Variants in EPHA5 observed in about 807,000 individuals in gnomAD.
The protein encoded by EPHA5 is ephrin type-A receptor 5.
In EPHA5, 60 loss-of-function variants were observed where a neutral mutation model predicts 105.0. The ratio of observed to expected loss-of-function variants is 0.57; its 90% CI spans 0.46 to 0.71. EPHA5 has a LOEUF of 0.71. Ranked by LOEUF, EPHA5 falls within the 30% of genes least tolerant of loss-of-function variation. The pLI is 0.00. For missense variants in EPHA5, 1,218 were observed against 1,274.7 expected (o/e 0.96, Z 0.68); for synonymous variants, 513 against 449.1 (o/e 1.14, Z -1.80).
chr4:65,670,264 C>A lies in EPHA5; in HGVS notation c.-522G>T, dbSNP rs1210018708. 8.6e-6 allele frequency: 2 copies of A among 233,810 alleles called. No homozygotes were observed. The allele number at this position is 233,810 out of a possible 1,614,324, so 14.5% of individuals were successfully genotyped here. A position where few individuals can be genotyped will look rare whatever the true frequency, so the allele number is the denominator to read the frequency against. On this transcript the variant is annotated 5_prime_UTR_variant, in exon 1 of 17. Coordinates refer to ENST00000613740, the MANE Select transcript of EPHA5 (RefSeq NM_001281766.3). ...TGGAGAATGAAAAACAGGAGAGCAGCGAGCAAAAGCAAAGATCCAGAGTTC... is the reference window on the plus strand; with the variant it reads ...TGGAGAATGAAAAACAGGAGAGCAGAGAGCAAAAGCAAAGATCCAGAGTTC...
At chr4:65,359,484 T>C (rs1048333989) in intron 11 of EPHA5, among the ~76,000 whole-genome samples, 22 of 151,634 alleles carry the variant, frequency 1.5e-4, no homozygotes, top group African/African-American at 5.1e-4. Context: ...ATTTAACATG[T>C]CCACAACTGA....
At chr4:65,589,245 CG>C (rs1196594175) in intron 3 of EPHA5, among the ~76,000 whole-genome samples, 2 of 126,000 alleles carry the variant, frequency 1.6e-5, no homozygotes, top group African/African-American at 3.4e-5. Flanking sequence ...TGCTAACAGA[CG>C]TTTTTTTTTA....
At chr4:65,591,253 T>G (rs2149415903) in intron 3 of EPHA5, among the ~76,000 whole-genome samples, 1 of 152,258 alleles carries the variant, frequency 6.6e-6, no homozygotes, top group Non-Finnish European at 1.5e-5. Flanking sequence ...TTTACATCTG[T>G]ATTATATCTT....
chr4:65,528,277 T>A (rs996471574), intron 3 of EPHA5, among the ~76,000 whole-genome samples: 2 of 152,090 alleles, frequency 1.3e-5, no homozygotes, highest in African/African-American at 4.8e-5. Flanking sequence ...ATGAGCACCT[T>A]CTAAATGTAG....
intron 8 of EPHA5, among the ~76,000 whole-genome samples, chr4:65,372,405 T>C (rs1718565604): frequency 6.6e-6 from 1 of 151,866 alleles, no homozygotes; most frequent in South Asian, 2.1e-4. Flanking sequence ...AGAATGCACA[T>C]GAATAGTACT....
At chr4:65,543,959 C>T (rs980987656) in intron 3 of EPHA5, among the ~76,000 whole-genome samples, 1 of 151,764 alleles carries the variant, frequency 6.6e-6, no homozygotes, top group African/African-American at 2.4e-5. Context: ...ACCTGACAAA[C>T]ACAAGCAATG....
At chr4:65,345,387 T>C (rs1388045400) in intron 14 of EPHA5, among the ~76,000 whole-genome samples, 1 of 152,214 alleles carries the variant, frequency 6.6e-6, no homozygotes, top group Non-Finnish European at 1.5e-5. Context: ...TATGAAATCA[T>C]TCGTGGGAAA....
At chr4:65,512,813 C>A (rs760382648) in intron 3 of EPHA5, among the ~76,000 whole-genome samples, 1 of 151,934 alleles carries the variant, frequency 6.6e-6, no homozygotes, top group Middle Eastern at 3.2e-3. Flanking sequence ...GATCTCATGG[C>A]GAACCATTAA....
At chr4:65,410,811 C>T (rs2349725) in intron 7 of EPHA5, among the ~76,000 whole-genome samples, 121,713 of 152,120 alleles carry the variant, frequency 0.8, 49,110 homozygotes, top group South Asian at 0.92. Flanking sequence ...ATTCAGACTA[C>T]ACAGATTTGA....
chr4:65,589,246 G>T (rs906427769), intron 3 of EPHA5, among the ~76,000 whole-genome samples: 3 of 151,160 alleles, frequency 2.0e-5, no homozygotes, highest in South Asian at 2.1e-4. Flanking sequence ...GCTAACAGAC[G>T]TTTTTTTTTA....
intron 8 of EPHA5, among the ~76,000 whole-genome samples, chr4:65,374,906 C>T (rs1718840615): frequency 6.6e-6 from 1 of 151,732 alleles, no homozygotes; most frequent in Non-Finnish European, 1.5e-5. Context: ...TTTCAGATTT[C>T]TTAGTATTTT....
intron 8 of EPHA5, among the ~76,000 whole-genome samples, chr4:65,380,784 T>G (rs903085345): frequency 2.6e-5 from 4 of 151,840 alleles, no homozygotes. Flanking sequence ...GCTAGTGTTC[T>G]TATGTGTGGC....
intron 5 of EPHA5, among the ~76,000 whole-genome samples, chr4:65,466,791 G>GT (rs1396651393): frequency 4.0e-4 from 61 of 152,212 alleles, no homozygotes; most frequent in Non-Finnish European, 4.4e-5. Flanking sequence ...ATATCTGATT[G>GT]TAAGCATAGA....
chr4:65,593,179 A>C (rs1742842377), intron 3 of EPHA5, among the ~76,000 whole-genome samples: 1 of 152,202 alleles, frequency 6.6e-6, no homozygotes, highest in Admixed American at 6.5e-5. Context: ...AATTATCAGA[A>C]AGAAGTATTA....
intron 13 of EPHA5, among the ~76,000 whole-genome samples, chr4:65,351,052 C>A (rs554745638): frequency 6.6e-6 from 1 of 150,768 alleles, no homozygotes; most frequent in Non-Finnish European, 1.5e-5. Flanking sequence ...TATATATAAC[C>A]TTTAATGTAG....
chr4:65,407,953 A>C lies in EPHA5; in HGVS notation c.1688-3474T>G, dbSNP rs568280694. On this transcript the variant is annotated intron_variant, in intron 7 of 16. Coordinates refer to ENST00000613740, the MANE Select transcript of EPHA5 (RefSeq NM_001281766.3). ...GCATTTTTTTTTGTTTTTATTGTGA[A>C]GGGGTTTCACCATTTAGCCCAGGCT... is the stretch of plus-strand genomic sequence containing the variant. Among the ~76,000 whole-genome samples, 412 of 151,928 alleles carry C rather than the reference A, an allele frequency of 2.7e-3. 1 individual carries two copies. Among genetic ancestry groups the C allele is most frequent in the Non-Finnish European group, 2.7e-3 (183 of 67,960 alleles).
At position 65,602,278 on chromosome 4, in the gene EPHA5, T is replaced by C; in HGVS notation, c.273A>G (p.Glu91=). The C allele has an allele frequency of 6.2e-7, 1 of 1,601,994 alleles. No individual in the cohort carries two copies. The highest frequency in any genetic ancestry group is 1.1e-5 in the South Asian group (1 of 90,888). The change falls in exon 3 of 17, where the codon GAA becomes GAG. Residue 91 remains glutamate, a synonymous_variant. Transcript: ENST00000613740. ...NGWEEIGEVD[E]NYAPIHTYQV... ...GGTATGTGTGGATAGGGGCATAATTTTCATCCACTTCACCAATCTCTTCCC... is the reference window on the plus strand; with the variant it reads ...GGTATGTGTGGATAGGGGCATAATTCTCATCCACTTCACCAATCTCTTCCC...
chr4:65,595,623 C>T (rs1743097325), intron 3 of EPHA5, among the ~76,000 whole-genome samples: 1 of 150,636 alleles, frequency 6.6e-6, no homozygotes, highest in Admixed American at 6.6e-5. Context: ...CTCTGTCACC[C>T]AGGCTGGAGT....
At chr4:65,663,111 A>C (rs1749685312) in intron 1 of EPHA5, among the ~76,000 whole-genome samples, 1 of 152,174 alleles carries the variant, frequency 6.6e-6, no homozygotes, top group East Asian at 1.9e-4. Context: ...CCTACAGGAA[A>C]AGAAGAGCTA....
Sources: allele counts gnomAD v4.1 joint callset (sites outside exome capture counted in the v4.1 genomes callset), GRCh38; gene constraint gnomAD v4.1.1; transcripts MANE v1.5; gene names NCBI Gene and HGNC (gene_info 2026-07-23, HGNC 2026-07-21).